PAPLN: variants seen among roughly 807,000 people sequenced by gnomAD.
The protein encoded by PAPLN is papilin.
Under a neutral mutation model 159.0 loss-of-function variants are expected in PAPLN, and 146 were observed. The ratio of observed to expected loss-of-function variants is 0.92; its 90% CI spans 0.80 to 1.05. PAPLN has a LOEUF of 1.05. Among genes scored for constraint, PAPLN ranks in the 50% least tolerant of loss-of-function variants. PAPLN has a pLI of 0.00. For missense variants in PAPLN, 1,720 were observed against 1,743.9 expected, an observed-to-expected ratio of 0.99 and a Z score of 0.24; for synonymous variants, 734 against 702.9, an observed-to-expected ratio of 1.04 and a Z score of -0.70.
At chr14:73,239,480 A>AGAG in intron 1 of PAPLN, 1 of 422,134 alleles carries the variant, frequency 2.4e-6, no homozygotes, top group South Asian at 4.6e-5. Context: ...AACCACATAG[A>AGAG]AGTATTTTTA....
Position 73,260,722 on chromosome 14 carries a change from C to T in PAPLN, c.1999C>T (p.Pro667Ser). The T allele has an allele frequency of 1.4e-6, 2 of 1,470,342 alleles. No individual in the cohort carries two copies. The highest frequency in any genetic ancestry group is 1.8e-6 in the Non-Finnish European group (2 of 1,115,174). The allele number at this position is 1,470,342 out of a possible 1,614,324, so 91.1% of individuals were successfully genotyped here. A position where few individuals can be genotyped will look rare whatever the true frequency, so the allele number is the denominator to read the frequency against. ...PCQQSRYGCC[P>S]DRVSVAEGPH... ...ATGTCTGCCTAGGTACGGGTGCTGC[C>T]CTGACAGGGTATCTGTCGCTGAGGG... The change falls in exon 17 of 27, where the codon CCT (proline) becomes TCT (serine). Residue 667 changes from proline (P) to serine (S), a missense_variant. By Grantham distance (74) the Pro-to-Ser change is moderately conservative. Coordinates refer to ENST00000644200, the MANE Select transcript of PAPLN (RefSeq NM_001365906.3).
intron 7 of PAPLN, 76 bp from the exon 8 acceptor site, chr14:73,251,410 G>A: frequency 7.0e-7 from 1 of 1,424,036 alleles, no homozygotes. Flanking sequence ...GTGCTGTGTG[G>A]CACTTGGAGT....
chr14:73,255,768 G>A (rs1885837482), intron 14 of PAPLN, among the ~76,000 whole-genome samples: 1 of 152,150 alleles, frequency 6.6e-6, no homozygotes, highest in African/African-American at 2.4e-5. Flanking sequence ...TGAGATGAAG[G>A]AAGGCAGAAT....
In PAPLN at chr14:73,246,169, T is replaced by A; in HGVS notation, c.328T>A (p.Tyr110Asn). 1 of 1,579,158 alleles carries A rather than the reference T, an allele frequency of 6.3e-7. No individual in the cohort carries two copies. Among genetic ancestry groups the A allele is most frequent in the Non-Finnish European group, 8.6e-7 (1 of 1,166,978 alleles). Residue 110 changes from tyrosine (Y) to asparagine (N), a missense_variant, in exon 5 of 27, where the codon TAC (tyrosine) becomes AAC (asparagine). By Grantham distance (143) the Tyr-to-Asn change is moderately radical. Transcript: ENST00000644200. Reference protein sequence around the residue: ...QGRRYRWLPYYSAPNKCELNC... With the variant: ...QGRRYRWLPYNSAPNKCELNC... ...GCGGCGGTATCGGTGGCTGCCCTAC[T>A]ACAGCGGTGAGCGCGGCCGGGACTC...
rs761806044 is a variant in PAPLN, at chr14:73,239,775, T to G, written c.-4T>G. Reference sequence around the variant, plus strand: ...CTAACCCAATGCGTCTCCCGCAGGCTGAGATGCGGCTGCTCCTGCTCGTGC... The same window carrying G: ...CTAACCCAATGCGTCTCCCGCAGGCGGAGATGCGGCTGCTCCTGCTCGTGC... On this transcript the variant is annotated splice_region_variant and 5_prime_UTR_variant, in exon 2 of 27. Coordinates refer to ENST00000644200, the MANE Select transcript of PAPLN (RefSeq NM_001365906.3). 4 of 1,591,590 alleles carry G rather than the reference T, an allele frequency of 2.5e-6. No individual in the cohort carries two copies. The highest frequency in any genetic ancestry group is 3.4e-6 in the Non-Finnish European group (4 of 1,175,408).
Position 73,253,935 on chromosome 14 carries a change from G to A in PAPLN, c.1276G>A (p.Ala426Thr), listed in dbSNP as rs562713896. The A allele has an allele frequency of 1.9e-5, 30 of 1,612,318 alleles. No homozygotes were observed. Among genetic ancestry groups the A allele is most frequent in the Non-Finnish European group, 2.2e-5 (26 of 1,179,750 alleles). The change falls in exon 12 of 27, where the codon GCC becomes ACC. Residue 426 changes from alanine (A) to threonine (T), a missense_variant. Coordinates refer to ENST00000644200, the MANE Select transcript of PAPLN (RefSeq NM_001365906.3). ...GGCCTGTAACCTGCAGCGCTGTGCA[G>A]CCTGGAGCCCGGAGCCCTGGGGAGA... ...IQACNLQRCA[A>T]WSPEPWGECS... is the part of the protein sequence containing the mutation.
Position 73,245,886 on chromosome 14 carries a change from C to A in PAPLN, c.232-187C>A. 1 of 900,700 alleles carries A rather than the reference C, an allele frequency of 1.1e-6. No individual in the cohort carries two copies. Among genetic ancestry groups the A allele is most frequent in the Non-Finnish European group, 1.6e-6 (1 of 606,270 alleles). The allele number at this position is 900,700 out of a possible 1,614,324, so 55.8% of individuals were successfully genotyped here. ...GCTCCCGGGGACTGGCCTTGCCCTCCACAGCCTAGAGCACCATGGAGGGGC... is the reference window on the plus strand; with the variant it reads ...GCTCCCGGGGACTGGCCTTGCCCTCAACAGCCTAGAGCACCATGGAGGGGC... On this transcript the variant is annotated intron_variant, in intron 4 of 26. Transcript: ENST00000644200. The surrounding 1 kb of genome is among the most constrained non-coding windows in gnomAD (Gnocchi z 4.2).
At chr14:73,266,948 C>T in intron 25 of PAPLN, 117 bp downstream of exon 25, 1 of 1,015,004 alleles carries the variant, frequency 9.9e-7, no homozygotes, top group Non-Finnish European at 1.5e-6. Flanking sequence ...GGCTTCCAGG[C>T]CTGGTGCCAG....
chr14:73,269,293 ATG>A (rs998501943), intron 26 of PAPLN, among the ~76,000 whole-genome samples: 2 of 81,434 alleles, frequency 2.5e-5, no homozygotes, highest in African/African-American at 8.9e-5. Flanking sequence ...TTGACTCCCC[ATG>A]TTTTTTTTTT....
chr14:73,262,639 C>A lies in PAPLN; in HGVS notation c.2535C>A (p.Ala845=). ...AACCCAGCCAGCACAGGACAGGGGC[C>A]GCGGTGCAGAGAAAGCCCTGGCCTT... ...EQEPSQHRTG[A]AVQRKPWPSG... Residue 845 remains alanine (A), a synonymous_variant, in exon 19 of 27, where the codon GCC becomes GCA. Transcript: ENST00000644200. The A allele has an allele frequency of 6.6e-7, 1 of 1,512,960 alleles. No individual in the cohort carries two copies. Among genetic ancestry groups the A allele is most frequent in the Non-Finnish European group, 8.9e-7 (1 of 1,126,170 alleles). The allele number at this position is 1,512,960 out of a possible 1,614,324, so 93.7% of individuals were successfully genotyped here. A position where few individuals can be genotyped will look rare whatever the true frequency, so the allele number is the denominator to read the frequency against.
chr14:73,271,502 A>AT (rs1887715839), intron 26 of PAPLN, among the ~76,000 whole-genome samples: 4 of 145,972 alleles, frequency 2.7e-5, no homozygotes, highest in Admixed American at 1.4e-4. Flanking sequence ...AGTAGAATGA[A>AT]ATTTTTTTTT....
At chr14:73,267,070 T>C (rs1028356638) in intron 25 of PAPLN, among the ~76,000 whole-genome samples, 1 of 152,168 alleles carries the variant, frequency 6.6e-6, no homozygotes, top group Admixed American at 6.5e-5. Flanking sequence ...GCTGACAGTT[T>C]GGAGCTGGTA....
chr14:73,255,259 C>T lies in PAPLN; in HGVS notation c.1627+241C>T, dbSNP rs185718286. ...GTAGCATGCCCCTGCCCCTCTGGCC[C>T]CCATAGCATGCTGTCATTTCTGTGG... is the stretch of plus-strand genomic sequence containing the variant. On this transcript the variant is annotated intron_variant, in intron 14 of 26. Transcript: ENST00000644200. Among the ~76,000 whole-genome samples the T allele has an allele frequency of 2.0e-5, 3 of 152,304 alleles. No homozygotes were observed. The East Asian group carries it at 5.8e-4, about 29-fold the overall frequency.
intron 16 of PAPLN, 28 bp downstream of exon 16, chr14:73,259,573 T>TCCC: frequency 6.8e-7 from 1 of 1,475,534 alleles, no homozygotes; most frequent in Non-Finnish European, 9.0e-7. Context: ...GTCTTCCTCC[T>TCCC]CCCCCGTCAA....
At chr14:73,271,093 T>A (rs1333830950) in intron 26 of PAPLN, among the ~76,000 whole-genome samples, 1 of 152,134 alleles carries the variant, frequency 6.6e-6, no homozygotes, top group Non-Finnish European at 1.5e-5. Flanking sequence ...TTGCCCAGAG[T>A]TACCCAGCTG....
At chr14:73,261,317 C>T in intron 18 of PAPLN, 23 bp downstream of exon 18, 1 of 1,610,474 alleles carries the variant, frequency 6.2e-7, no homozygotes, top group Non-Finnish European at 8.5e-7. Context: ...CCCCTCTCCT[C>T]CTTCTCGATG....
chr14:73,261,681 A>AG (rs1378451583), intron 18 of PAPLN, among the ~76,000 whole-genome samples: 3 of 152,052 alleles, frequency 2.0e-5, no homozygotes, highest in African/African-American at 4.8e-5. Context: ...TGAGTGCTGG[A>AG]GGGAGGGTAG....
Position 73,239,808 on chromosome 14 carries a change from G to C in PAPLN, c.30G>C (p.Leu10=). Residue 10 remains leucine (L), a synonymous_variant, in exon 2 of 27, where the codon CTG becomes CTC. Coordinates refer to ENST00000644200, the MANE Select transcript of PAPLN (RefSeq NM_001365906.3). MRLLLLVPL[L]LAPAPGSSAP... ...GGCTGCTCCTGCTCGTGCCGCTGCT[G>C]CTGGCTCCAGCGCCCGGGTCCTCGG... 7 of 1,594,480 alleles carry C rather than the reference G, an allele frequency of 4.4e-6. No individual in the cohort carries two copies. Among genetic ancestry groups the C allele is most frequent in the Non-Finnish European group, 5.1e-6 (6 of 1,176,226 alleles).
intron 2 of PAPLN, among the ~76,000 whole-genome samples, chr14:73,241,240 C>T (rs1169681833): frequency 1.3e-5 from 2 of 152,184 alleles, no homozygotes; most frequent in African/African-American, 4.8e-5. Flanking sequence ...CTGCCAGCTA[C>T]CCACGGTCCC....
Sources: gnomAD v4.1 joint callset for allele counts (sites outside exome capture counted in the v4.1 genomes callset) on GRCh38, gnomAD v4.1.1 for gene constraint, Gnocchi (gnomAD v3.1) non-coding constraint, MANE v1.5 for transcripts, NCBI Gene and HGNC (gene_info 2026-07-23, HGNC 2026-07-21) for gene names.